Variants in IGF2BP3 observed in about 807,000 individuals in gnomAD.
IGF2BP3 encodes insulin like growth factor 2 mRNA binding protein 3.
A neutral mutation model predicts 73.8 loss-of-function variants in IGF2BP3; 9 were observed. That is an observed-to-expected ratio of 0.12 (90% CI 0.07 to 0.21). The LOEUF (loss-of-function observed/expected upper bound fraction) is 0.21, where lower values mean the gene tolerates loss of function less well. Among genes scored for constraint, IGF2BP3 ranks in the 10% least tolerant of loss-of-function variants. IGF2BP3 has a pLI of 1.00. For synonymous variants in IGF2BP3, 258 were observed against 256.7 expected, an observed-to-expected ratio of 1.01 and a Z score of -0.05; for missense variants, 542 against 714.0, an observed-to-expected ratio of 0.76 and a Z score of 2.75.
chr7:23,346,543 A>T (rs1021149852), intron 7 of IGF2BP3, among the ~76,000 whole-genome samples: 4 of 152,012 alleles, frequency 2.6e-5, no homozygotes, highest in Middle Eastern at 3.4e-3. Context: ...TATATATATA[A>T]AACTGTTTAA....
intron 10 of IGF2BP3, among the ~76,000 whole-genome samples, chr7:23,327,416 G>C (rs1055384488): frequency 9.2e-5 from 14 of 151,732 alleles, no homozygotes; most frequent in African/African-American, 3.4e-4. Context: ...GAGTAGCTGG[G>C]ACTACAGGCG....
chr7:23,318,992 G>C, intron 11 of IGF2BP3, 146 bp downstream of exon 11: 2 of 602,350 alleles, frequency 3.3e-6, no homozygotes, highest in Admixed American at 5.6e-5. Flanking sequence ...CTTGGTGTAA[G>C]CCACTGTTGT....
rs184208107 is a variant in IGF2BP3, at chr7:23,417,969, C to T, written c.285+807G>A. ...AAATCACCTGTGACCAACTGAGAAA[C>T]CTTGGAGAATCAGACTTAGATCAAC... On this transcript the variant is annotated intron_variant, in intron 3 of 14. Transcript: ENST00000258729. 2.4e-4 allele frequency among the ~76,000 whole-genome samples: 36 copies of T among 152,238 alleles called. No homozygotes were observed. In the South Asian group the frequency reaches 3.5e-3, roughly 15 times the overall value.
At chr7:23,347,443 T>A (rs1562690046) in intron 7 of IGF2BP3, among the ~76,000 whole-genome samples, 157 bp downstream of exon 7, 1 of 152,148 alleles carries the variant, frequency 6.6e-6, no homozygotes, top group Non-Finnish European at 1.5e-5. Context: ...TTAAAAGACA[T>A]ACACTTCACA....
At chr7:23,462,915 C>G (rs945831876) in intron 2 of IGF2BP3, among the ~76,000 whole-genome samples, 2 of 152,160 alleles carry the variant, frequency 1.3e-5, no homozygotes, top group Admixed American at 1.3e-4. Flanking sequence ...TGCTTGCCAT[C>G]AGCCTTCAAG....
At chr7:23,335,308 G>C (rs1019960875) in intron 10 of IGF2BP3, among the ~76,000 whole-genome samples, 5 of 149,662 alleles carry the variant, frequency 3.3e-5, no homozygotes, top group African/African-American at 1.2e-4. Context: ...TTTTGGACAA[G>C]GTCTCACTCT....
chr7:23,382,403 T>C (rs967040542), intron 3 of IGF2BP3, among the ~76,000 whole-genome samples: 7 of 152,048 alleles, frequency 4.6e-5, no homozygotes, highest in African/African-American at 9.7e-5. Context: ...TTTTTTTTTT[T>C]CCAAGATAAA....
At chr7:23,463,229 T>A (rs1056227823) in intron 2 of IGF2BP3, among the ~76,000 whole-genome samples, 2 of 152,242 alleles carry the variant, frequency 1.3e-5, no homozygotes, top group African/African-American at 2.4e-5. Flanking sequence ...GCCTGGATGC[T>A]GCTGCTAAAA....
At chr7:23,317,513 C>T in intron 12 of IGF2BP3, 126 bp downstream of exon 12, 1 of 712,930 alleles carries the variant, frequency 1.4e-6, no homozygotes, top group Non-Finnish European at 2.5e-6. Flanking sequence ...TGATTCTACT[C>T]AGCTCTTAGA....
At position 23,321,484 on chromosome 7, in the gene IGF2BP3, C is replaced by T. The variant is rs1303266920; in HGVS notation, c.1204-2230G>A. Among the ~76,000 whole-genome samples, 54 of 152,314 alleles carry T rather than the reference C, an allele frequency of 3.5e-4. 1 individual carries two copies. Among genetic ancestry groups the T allele is most frequent in the African/African-American group, 1.1e-3 (46 of 41,574 alleles). Reference sequence around the variant, plus strand: ...CTGAGATCAAACTGCAAGGCGGCAGCGAGGCTGGGGGAGGGGTGCCCGCCA... The same window carrying T: ...CTGAGATCAAACTGCAAGGCGGCAGTGAGGCTGGGGGAGGGGTGCCCGCCA... On this transcript the variant is annotated intron_variant, in intron 10 of 14. Coordinates refer to ENST00000258729, the MANE Select transcript of IGF2BP3 (RefSeq NM_006547.3).
intron 3 of IGF2BP3, among the ~76,000 whole-genome samples, chr7:23,405,925 T>C (rs1359687963): frequency 6.6e-6 from 1 of 152,170 alleles, no homozygotes; most frequent in African/African-American, 2.4e-5. Context: ...AAGAATGCTG[T>C]GGACAGGCTT....
intron 8 of IGF2BP3, among the ~76,000 whole-genome samples, chr7:23,345,122 A>G (rs1160194744): frequency 6.6e-6 from 1 of 152,136 alleles, no homozygotes. Flanking sequence ...AACACCGTGC[A>G]GTCTTTCCCC....
At position 23,407,106 on chromosome 7, in the gene IGF2BP3, A is replaced by G. The variant is rs577673121; in HGVS notation, c.285+11670T>C. 1.7e-3 allele frequency among the ~76,000 whole-genome samples: 259 copies of G among 152,118 alleles called. 2 individuals carry two copies. The highest frequency in any genetic ancestry group is 5.9e-3 in the African/African-American group (244 of 41,522). On this transcript the variant is annotated intron_variant, in intron 3 of 14. Transcript: ENST00000258729. Reference sequence around the variant, plus strand: ...AGAATTAAAAAGTGGAGATATCACTAGAGACCCCACAGACATTAAAGGATA... The same window carrying G: ...AGAATTAAAAAGTGGAGATATCACTGGAGACCCCACAGACATTAAAGGATA...
chr7:23,399,615 C>G (rs1007061562), intron 3 of IGF2BP3, among the ~76,000 whole-genome samples: 7 of 152,030 alleles, frequency 4.6e-5, no homozygotes, highest in Admixed American at 2.6e-4. Context: ...TTTAAACCAC[C>G]AAGTTTGTGA....
At chr7:23,327,341 C>T (rs1271573416) in intron 10 of IGF2BP3, among the ~76,000 whole-genome samples, 6 of 146,572 alleles carry the variant, frequency 4.1e-5, no homozygotes, top group Non-Finnish European at 5.9e-5. Flanking sequence ...AGTGCAGTGG[C>T]GCAATCTCGG....
At chr7:23,346,549 T>C (rs967259025) in intron 7 of IGF2BP3, among the ~76,000 whole-genome samples, 1 of 152,088 alleles carries the variant, frequency 6.6e-6, no homozygotes. Flanking sequence ...TATAAAACTG[T>C]TTAAAATGTC....
chr7:23,466,024 G>T (rs536269974), intron 2 of IGF2BP3, among the ~76,000 whole-genome samples: 103 of 142,568 alleles, frequency 7.2e-4, no homozygotes, highest in African/African-American at 2.6e-3. Flanking sequence ...GAGAAAAAAG[G>T]TTTTTTTTTT....
At position 23,369,877 on chromosome 7, in the gene IGF2BP3, T is replaced by C. The variant is rs187407630; in HGVS notation, c.286-8136A>G. Among the ~76,000 whole-genome samples, 11 of 152,302 alleles carry C rather than the reference T, an allele frequency of 7.2e-5. No homozygotes were observed. The East Asian group carries it at 2.1e-3, about 29-fold the overall frequency. On this transcript the variant is annotated intron_variant, in intron 3 of 14. Coordinates refer to ENST00000258729, the MANE Select transcript of IGF2BP3 (RefSeq NM_006547.3). Reference sequence around the variant, plus strand: ...ATAATTTATGTTCTGCAGATAAGCCTTCTGCTGACTGCTTATTCTGCATAC... The same window carrying C: ...ATAATTTATGTTCTGCAGATAAGCCCTCTGCTGACTGCTTATTCTGCATAC...
At chr7:23,356,511 T>G (rs1478532263) in intron 5 of IGF2BP3, among the ~76,000 whole-genome samples, 1 of 152,208 alleles carries the variant, frequency 6.6e-6, no homozygotes, top group Non-Finnish European at 1.5e-5. Flanking sequence ...AAGCCATGAT[T>G]GTGCCACTGC....
Sources: gnomAD v4.1 joint callset for allele counts (sites outside exome capture counted in the v4.1 genomes callset) on GRCh38, gnomAD v4.1.1 for gene constraint, MANE v1.5 for transcripts, NCBI Gene and HGNC (gene_info 2026-07-23, HGNC 2026-07-21) for gene names.